Variants in SPP2 observed in about 807,000 individuals in gnomAD.
SPP2 encodes the protein secreted phosphoprotein 2.
In SPP2, 34 loss-of-function variants were observed where a neutral mutation model predicts 28.8. That is an observed-to-expected ratio of 1.18 (90% CI 0.90 to 1.57). The LOEUF is 1.57. Among genes scored for constraint, SPP2 ranks in the 40% most tolerant of loss-of-function variants. SPP2 has a pLI of 0.00. For missense variants in SPP2, 269 were observed against 263.9 expected (o/e 1.02, Z -0.13); for synonymous variants, 96 against 89.4 (o/e 1.07, Z -0.42).
At chr2:234,058,300 C>CA (rs1290710874) in intron 2 of SPP2, among the ~76,000 whole-genome samples, 5 of 151,726 alleles carry the variant, frequency 3.3e-5, no homozygotes, top group East Asian at 1.9e-4. Flanking sequence ...CACAAAAATG[C>CA]AAAAAAAGCC....
chr2:234,059,478 C>T (rs1559173325), intron 3 of SPP2, among the ~76,000 whole-genome samples: 1 of 152,072 alleles, frequency 6.6e-6, no homozygotes, highest in Non-Finnish European at 1.5e-5. Flanking sequence ...AAACCTAACC[C>T]CAAAGGCCAA....
At position 234,050,990 on chromosome 2, in the gene SPP2, C is replaced by T. The variant is rs753888543; in HGVS notation, c.105C>T (p.Tyr35=). 1.4e-5 allele frequency: 23 copies of T among 1,613,914 alleles called. No homozygotes were observed. Among genetic ancestry groups the T allele is most frequent in the African/African-American group, 2.7e-5 (2 of 74,914 alleles). Residue 35 remains tyrosine, a synonymous_variant, in exon 2 of 8, where the codon TAC becomes TAT. Transcript: ENST00000168148. ...WSCSGFPVYD[Y]DPSSLRDALS... ...GTCCAGGTTTCCCAGTGTACGACTA[C>T]GATCCATCCTCCTTAAGGGATGCCC...
intron 7 of SPP2, among the ~76,000 whole-genome samples, chr2:234,073,565 T>C (rs1261697130): frequency 6.6e-6 from 1 of 152,210 alleles, no homozygotes. Context: ...AATAAAATAC[T>C]CTGAATTTTT....
intron 3 of SPP2, 96 bp from the exon 4 acceptor site, chr2:234,060,273 C>T (rs780304009): frequency 2.4e-4 from 197 of 829,924 alleles, no homozygotes; most frequent in East Asian, 7.0e-4. Context: ...TTTGTCATTT[C>T]GTCAAACCTG....
intron 2 of SPP2, 58 bp downstream of exon 2, chr2:234,051,153 A>C: frequency 1.3e-6 from 2 of 1,583,984 alleles, no homozygotes; most frequent in Admixed American, 3.4e-5. Flanking sequence ...GCCTTTTGTC[A>C]GTTCATTGGA....
intron 2 of SPP2, among the ~76,000 whole-genome samples, chr2:234,054,274 G>C (rs1024979873): frequency 6.6e-6 from 1 of 152,228 alleles, no homozygotes. Context: ...GGTCAGAGAG[G>C]TGGGCATGAG....
At chr2:234,067,755 C>A (rs1286235230) in intron 6 of SPP2, among the ~76,000 whole-genome samples, 4 of 2,962 alleles carry the variant, frequency 1.4e-3, no homozygotes, top group Non-Finnish European at 3.4e-3. Context: ...CCAACCTGGG[C>A]GACAGAGGCC....
chr2:234,066,835 T>A (rs953822444), intron 5 of SPP2, among the ~76,000 whole-genome samples: 6 of 152,270 alleles, frequency 3.9e-5, no homozygotes, highest in African/African-American at 1.4e-4. Flanking sequence ...TTCCATTTGA[T>A]GGCCCCAACA....
chr2:234,067,775 CTCAAAAAA>C (rs1693854838), intron 6 of SPP2, among the ~76,000 whole-genome samples: 5 of 38,078 alleles, frequency 1.3e-4, no homozygotes, highest in South Asian at 1.7e-3. Flanking sequence ...CAGACTCCGT[CTCAAAAAA>C]AAAAAAAAAA....
At chr2:234,057,754 TA>T (rs929436174) in intron 2 of SPP2, among the ~76,000 whole-genome samples, 3 of 152,224 alleles carry the variant, frequency 2.0e-5, no homozygotes, top group Non-Finnish European at 2.9e-5. Flanking sequence ...GAAAATCATT[TA>T]AACTCATTCA....
chr2:234,050,946 G>C lies in SPP2; in HGVS notation c.86-25G>C, dbSNP rs17865705. On this transcript the variant is annotated intron_variant, in intron 1 of 7. Transcript: ENST00000168148. ...GCTGGCGCCTGTGTCTTGTCTCACTGTGCCCCATGTGCTTGCGTGTCCAGG... is the reference window on the plus strand; with the variant it reads ...GCTGGCGCCTGTGTCTTGTCTCACTCTGCCCCATGTGCTTGCGTGTCCAGG... The C allele has an allele frequency of 1.8e-3, 2,902 of 1,613,948 alleles. 7 individuals are homozygous for C. The highest frequency in any genetic ancestry group is 4.6e-3 in the Middle Eastern group (28 of 6,054).
intron 4 of SPP2, among the ~76,000 whole-genome samples, chr2:234,060,733 GCACACACACACACGCACA>G (rs1474745318): frequency 4.2e-5 from 6 of 144,288 alleles, no homozygotes; most frequent in African/African-American, 1.7e-4. Context: ...ACACACATAT[GCACACACACACACGCACA>G]CACACACACA....
At chr2:234,051,150 G>T in intron 2 of SPP2, 55 bp downstream of exon 2, 2 of 1,593,542 alleles carry the variant, frequency 1.3e-6, no homozygotes, top group Middle Eastern at 1.8e-4. Context: ...TCTGCCTTTT[G>T]TCAGTTCATT....
At chr2:234,057,522 T>C (rs957826935) in intron 2 of SPP2, among the ~76,000 whole-genome samples, 1 of 152,212 alleles carries the variant, frequency 6.6e-6, no homozygotes, top group Non-Finnish European at 1.5e-5. Flanking sequence ...TTGTTGTTTT[T>C]CTTGATAGCC....
rs1389967003 is a variant in SPP2, at chr2:234,069,031, A to G, written c.551-897A>G. ...TCTGAAGCTTGACTGGGGTTGAAGG[A>G]GCCACTTCCAAGCCCACTCACATGT... On this transcript the variant is annotated intron_variant, in intron 6 of 7. Transcript: ENST00000168148. 5.3e-5 allele frequency among the ~76,000 whole-genome samples: 8 copies of G among 152,218 alleles called. No individual in the cohort carries two copies. The East Asian group carries it at 1.5e-3, about 29-fold the overall frequency.
intron 7 of SPP2, among the ~76,000 whole-genome samples, chr2:234,076,479 G>A (rs1690898826): frequency 6.6e-6 from 1 of 152,144 alleles, no homozygotes; most frequent in African/African-American, 2.4e-5. Flanking sequence ...TAGGTTGTGG[G>A]AGGTTTTTGA....
At chr2:234,066,409 A>T in intron 4 of SPP2, 124 bp from the exon 5 acceptor site, 1 of 780,608 alleles carries the variant, frequency 1.3e-6, no homozygotes, top group Non-Finnish European at 2.2e-6. Context: ...CGTATTGCCT[A>T]TTTCATTAAA....
chr2:234,060,067 C>G (rs1310815258), intron 3 of SPP2, among the ~76,000 whole-genome samples: 1 of 152,140 alleles, frequency 6.6e-6, no homozygotes, highest in Non-Finnish European at 1.5e-5. Context: ...CTGTGGGGTT[C>G]TTCGTCATTT....
chr2:234,058,452 T>C (rs1054882509), intron 2 of SPP2, among the ~76,000 whole-genome samples: 5 of 152,222 alleles, frequency 3.3e-5, no homozygotes, highest in Non-Finnish European at 7.3e-5. Flanking sequence ...TGTCCCTAGA[T>C]GATTGCCAAA....
Sources: gnomAD v4.1 joint callset for allele counts (sites outside exome capture counted in the v4.1 genomes callset) on GRCh38, gnomAD v4.1.1 for gene constraint, MANE v1.5 for transcripts, NCBI Gene and HGNC (gene_info 2026-07-23, HGNC 2026-07-21) for gene names.